ENTPD5: variants seen among roughly 807,000 people sequenced by gnomAD.
ENTPD5 encodes the protein nucleoside diphosphate phosphatase ENTPD5.
A neutral mutation model predicts 60.2 loss-of-function variants in ENTPD5; 49 were observed. The ratio of observed to expected loss-of-function variants is 0.81; its 90% CI spans 0.65 to 1.03. The LOEUF (loss-of-function observed/expected upper bound fraction) is 1.03, where lower values mean the gene tolerates loss of function less well. Ranked by LOEUF, ENTPD5 falls within the 50% of genes least tolerant of loss-of-function variation. ENTPD5 has a pLI of 0.00. For missense variants in ENTPD5, 480 were observed against 507.6 expected (o/e 0.95, Z 0.52); for synonymous variants, 187 against 185.4 (o/e 1.01, Z -0.07).
At chr14:73,995,888 T>C (rs1429787740) in intron 3 of ENTPD5, among the ~76,000 whole-genome samples, 1 of 152,086 alleles carries the variant, frequency 6.6e-6, no homozygotes, top group African/African-American at 2.4e-5. Flanking sequence ...AACAAAGCCC[T>C]GTTTCCAATT....
chr14:73,970,742 A>G (rs115223882), intron 14 of ENTPD5, among the ~76,000 whole-genome samples: 169 of 152,336 alleles, frequency 1.1e-3, no homozygotes, highest in African/African-American at 4.0e-3. Context: ...TGAGGCCCAG[A>G]AGACAGGGAA....
chr14:73,961,006 T>G, downstream of ENTPD5: 7 of 791,244 alleles, frequency 8.8e-6, no homozygotes, highest in East Asian at 2.7e-5. Flanking sequence ...TGGGGAGTGA[T>G]GAGAAGTTGC....
rs748338265 is a variant in ENTPD5, at chr14:73,970,100, G to A, written c.1110C>T (p.Thr370=). 3.7e-6 allele frequency: 6 copies of A among 1,613,778 alleles called. No homozygotes were observed. Among genetic ancestry groups the A allele is most frequent in the Non-Finnish European group, 4.2e-6 (5 of 1,179,732 alleles). ...CCATGCACAGGAAAGGACTGCCTGA[G>A]GTGAAGTTTTCCAAGTTATCACACA... ...REVCDNLENF[T]SGSPFLCMDL... is the part of the protein sequence containing the mutation. Residue 370 remains threonine, a synonymous_variant, in exon 15 of 16, where the codon ACC becomes ACT. Transcript: ENST00000334696.
chr14:74,005,812 A>C (rs2058663993), intron 3 of ENTPD5, among the ~76,000 whole-genome samples: 1 of 152,116 alleles, frequency 6.6e-6, no homozygotes, highest in Admixed American at 6.6e-5. Flanking sequence ...ATTTCAAAAA[A>C]ATAAATAAAA....
chr14:73,983,181 T>C lies in ENTPD5; in HGVS notation c.298-20A>G. On this transcript the variant is annotated intron_variant, in intron 5 of 15. Coordinates refer to ENST00000334696, the MANE Select transcript of ENTPD5 (RefSeq NM_001249.5). Reference sequence around the variant, plus strand: ...AGCACCCTTCAAAAGAGATAACCCGTTCATCTGATGAACGATCCATTTAGT... The same window carrying C: ...AGCACCCTTCAAAAGAGATAACCCGCTCATCTGATGAACGATCCATTTAGT... The C allele has an allele frequency of 1.9e-6, 3 of 1,599,664 alleles. No individual in the cohort carries two copies. The highest frequency in any genetic ancestry group is 2.6e-6 in the Non-Finnish European group (3 of 1,172,010).
At chr14:74,011,305 T>C (rs1457023487) in intron 2 of ENTPD5, among the ~76,000 whole-genome samples, 155 bp from the exon 3 acceptor site, 4 of 152,162 alleles carry the variant, frequency 2.6e-5, no homozygotes, top group Admixed American at 2.6e-4. Flanking sequence ...TCCTGAGTTG[T>C]AGTCTAATGC....
chr14:73,967,822 A>G (rs938169849), intron 15 of ENTPD5, among the ~76,000 whole-genome samples: 3 of 151,370 alleles, frequency 2.0e-5, no homozygotes, highest in Middle Eastern at 3.2e-3. Flanking sequence ...AAAAAAGAAA[A>G]AAAAAGAAAC....
intron 3 of ENTPD5, among the ~76,000 whole-genome samples, chr14:74,009,690 T>C (rs1003939282): frequency 1.3e-5 from 2 of 152,196 alleles, no homozygotes; most frequent in Admixed American, 6.5e-5. Flanking sequence ...CAATCACAGC[T>C]CACTGCGGCC....
chr14:73,958,896 T>G, downstream of ENTPD5: 1 of 1,588,838 alleles, frequency 6.3e-7, no homozygotes, highest in South Asian at 1.1e-5. Flanking sequence ...GAGGAAACTT[T>G]AGGGAGCAGA....
chr14:73,957,491 T>G (rs1427777312), downstream of ENTPD5, among the ~76,000 whole-genome samples: 1 of 152,226 alleles, frequency 6.6e-6, no homozygotes, highest in East Asian at 1.9e-4. Context: ...TGTTTTGTTT[T>G]GAGACAAGGT....
chr14:73,978,333 G>C (rs1308062996), intron 6 of ENTPD5, among the ~76,000 whole-genome samples: 3 of 151,880 alleles, frequency 2.0e-5, no homozygotes, highest in African/African-American at 7.3e-5. Context: ...GCCGGGCATG[G>C]TGGCTCATAC....
intron 5 of ENTPD5, among the ~76,000 whole-genome samples, chr14:73,984,832 T>C (rs762920569): frequency 1.3e-5 from 2 of 152,118 alleles, no homozygotes; most frequent in African/African-American, 4.8e-5. Context: ...ATGTGCCACG[T>C]TGGTGGGCTG....
chr14:74,007,365 T>A (rs540964030), intron 3 of ENTPD5, among the ~76,000 whole-genome samples: 2 of 151,862 alleles, frequency 1.3e-5, no homozygotes, highest in Non-Finnish European at 2.9e-5. Flanking sequence ...ACTAAAAATA[T>A]AAAAAATTAG....
intron 10 of ENTPD5, 131 bp downstream of exon 10, chr14:73,975,805 T>G (rs547279628): frequency 4.3e-6 from 3 of 696,384 alleles, no homozygotes; most frequent in South Asian, 4.3e-5. Flanking sequence ...GGGTTTCAGT[T>G]GATAGGCCTT....
intron 5 of ENTPD5, 109 bp from the exon 6 acceptor site, chr14:73,983,270 G>T: frequency 8.7e-7 from 1 of 1,148,794 alleles, no homozygotes; most frequent in Non-Finnish European, 1.2e-6. Flanking sequence ...GTGGCATAGG[G>T]CTCCAACCTC....
Position 73,965,694 on chromosome 14 carries a change from C to T in ENTPD5, c.*1234G>A, listed in dbSNP as rs2056946870. 1 of 152,110 alleles carries T rather than the reference C, an allele frequency of 6.6e-6. No homozygotes were observed. Among genetic ancestry groups the T allele is most frequent in the Non-Finnish European group, 1.5e-5 (1 of 68,084 alleles). The allele number at this position is 152,110 out of a possible 1,614,324, so 9.4% of individuals were successfully genotyped here. A position where few individuals can be genotyped will look rare whatever the true frequency, so the allele number is the denominator to read the frequency against. ...TGAGATTGCGCCACTCCACTCTAGC[C>T]TGAGCAACAGAGCAAGACTCCATCT... On this transcript the variant is annotated 3_prime_UTR_variant, in exon 16 of 16. Transcript: ENST00000334696.
chr14:74,015,259 G>A (rs530896054), intron 2 of ENTPD5, among the ~76,000 whole-genome samples: 12 of 151,972 alleles, frequency 7.9e-5, no homozygotes, highest in African/African-American at 2.7e-4. Flanking sequence ...GGGAAACATG[G>A]CCTCTAAGGT....
chr14:74,000,225 G>A (rs1246338065), intron 3 of ENTPD5, among the ~76,000 whole-genome samples: 2 of 151,600 alleles, frequency 1.3e-5, no homozygotes, highest in Non-Finnish European at 2.9e-5. Context: ...GGGAGGCCAA[G>A]GCAGGCAGAT....
rs116968320 is a variant in ENTPD5, at chr14:73,992,986, G to C, written c.-70-4814C>G. On this transcript the variant is annotated intron_variant, in intron 3 of 15. Transcript: ENST00000334696. ...TCACTGCACTCCAGCATGAGAGATA[G>C]AGTGAGATTCTATCTCAAAATAAAT... Among the ~76,000 whole-genome samples the C allele has an allele frequency of 5.6e-3, 859 of 152,236 alleles. 24 individuals carry two copies. The highest frequency in any genetic ancestry group is 0.042 in the Admixed American group (644 of 15,276).
Sources: allele counts gnomAD v4.1 joint callset (sites outside exome capture counted in the v4.1 genomes callset), GRCh38; gene constraint gnomAD v4.1.1; transcripts MANE v1.5; gene names NCBI Gene and HGNC (gene_info 2026-07-23, HGNC 2026-07-21).